The following EPHB1 variants were observed in gnomAD, a reference collection of about 807,000 sequenced individuals.
The protein encoded by EPHB1 is ephrin type-B receptor 1.
Under a neutral mutation model 94.4 loss-of-function variants are expected in EPHB1, and 30 were observed. That is an observed-to-expected ratio of 0.32 (90% confidence interval 0.24 to 0.43). EPHB1 has a LOEUF of 0.43. EPHB1 is among the 20% of genes least tolerant of loss of function. The pLI is 1.00. For missense variants in EPHB1, 1,055 were observed against 1,308.3 expected (o/e 0.81, Z 2.99); for synonymous variants, 522 against 489.1 (o/e 1.07, Z -0.89).
At chr3:135,222,627 G>C (rs1943299060) in intron 12 of EPHB1, among the ~76,000 whole-genome samples, 1 of 152,120 alleles carries the variant, frequency 6.6e-6, no homozygotes, top group East Asian at 1.9e-4. Flanking sequence ...TGATAAAACA[G>C]GGAGTAAACA....
chr3:135,119,744 G>A (rs982526406), intron 4 of EPHB1, among the ~76,000 whole-genome samples: 7 of 152,166 alleles, frequency 4.6e-5, no homozygotes, highest in Admixed American at 1.3e-4. Flanking sequence ...GAGCCACCAA[G>A]ACTGGGCTTT....
chr3:135,197,068 G>T (rs1942639605), intron 11 of EPHB1, among the ~76,000 whole-genome samples: 1 of 150,738 alleles, frequency 6.6e-6, no homozygotes, highest in African/African-American at 2.4e-5. Flanking sequence ...GACCTGCCTG[G>T]GCCATATAGC....
chr3:135,166,038 C>T lies in EPHB1; in HGVS notation c.1656C>T (p.Phe552=), dbSNP rs56372452. The part of the protein sequence containing the change: ...IAGSAAAGVV[F]VVSLVAISIV... ...GCTCGGCAGCGGCCGGGGTCGTGTT[C>T]GTTGTGTCCTTGGTGGCCATCTCTA... The change falls in exon 8 of 16, where the codon TTC becomes TTT. Residue 552 remains phenylalanine, a synonymous_variant. Transcript: ENST00000398015. 5,196 of 1,613,826 alleles carry T rather than the reference C, an allele frequency of 3.2e-3. 20 individuals are homozygous for T. Among genetic ancestry groups the T allele is most frequent in the Middle Eastern group, 0.015 (90 of 6,062 alleles).
intron 3 of EPHB1, among the ~76,000 whole-genome samples, chr3:134,954,342 G>A (rs1467103245): frequency 2.0e-5 from 3 of 152,170 alleles, no homozygotes; most frequent in African/African-American, 7.2e-5. Flanking sequence ...AAGTGCATTT[G>A]GAAGTACTTG....
intron 1 of EPHB1, among the ~76,000 whole-genome samples, chr3:134,876,339 G>A (rs2037615875): frequency 6.6e-6 from 1 of 152,216 alleles, no homozygotes; most frequent in African/African-American, 2.4e-5. Flanking sequence ...TGCCCAGCCT[G>A]TAGGGCTCAG....
intron 1 of EPHB1, among the ~76,000 whole-genome samples, chr3:134,914,585 T>C (rs1429471292): frequency 6.6e-6 from 1 of 152,096 alleles, no homozygotes; most frequent in Non-Finnish European, 1.5e-5. Context: ...GGAGGGTTGT[T>C]GGAGACATGG....
At chr3:135,063,110 C>T (rs1456057644) in intron 3 of EPHB1, among the ~76,000 whole-genome samples, 1 of 152,102 alleles carries the variant, frequency 6.6e-6, no homozygotes, top group East Asian at 1.9e-4. Flanking sequence ...AGTTTGAAAT[C>T]AGGTCGTATG....
intron 3 of EPHB1, among the ~76,000 whole-genome samples, chr3:135,053,388 T>C (rs1403964239): frequency 6.6e-6 from 1 of 152,050 alleles, no homozygotes; most frequent in Non-Finnish European, 1.5e-5. Context: ...AAGTTAAATA[T>C]ATAGTCACCA....
intron 3 of EPHB1, among the ~76,000 whole-genome samples, chr3:135,006,551 G>A (rs529402828): frequency 1.3e-5 from 2 of 152,228 alleles, no homozygotes; most frequent in Non-Finnish European, 2.9e-5. Flanking sequence ...GAAAGAGAAT[G>A]ATGCAAAGTA....
At chr3:134,856,509 T>C (rs756464408) in intron 1 of EPHB1, among the ~76,000 whole-genome samples, 4 of 152,214 alleles carry the variant, frequency 2.6e-5, no homozygotes, top group African/African-American at 4.8e-5. Context: ...TTTTTAAAAC[T>C]TTACTGTATA....
intron 11 of EPHB1, among the ~76,000 whole-genome samples, chr3:135,198,099 C>T (rs1356650655): frequency 6.6e-6 from 1 of 152,142 alleles, no homozygotes; most frequent in Non-Finnish European, 1.5e-5. Flanking sequence ...AGTTAGAAGA[C>T]CCAGATAAGA....
At chr3:134,881,277 G>C (rs1177910826) in intron 1 of EPHB1, among the ~76,000 whole-genome samples, 8 of 152,120 alleles carry the variant, frequency 5.3e-5, no homozygotes, top group Non-Finnish European at 2.9e-5. Flanking sequence ...GTGTGGATGG[G>C]TATGCTGGGG....
intron 3 of EPHB1, among the ~76,000 whole-genome samples, chr3:135,097,455 T>C (rs1333274279): frequency 6.6e-6 from 1 of 152,120 alleles, no homozygotes; most frequent in African/African-American, 2.4e-5. Context: ...TCAGTGTCTG[T>C]CCCTCTCCCT....
chr3:134,854,703 A>G lies in EPHB1; in HGVS notation c.58+59014A>G, dbSNP rs565973507. Among the ~76,000 whole-genome samples the G allele has an allele frequency of 1.8e-3, 274 of 152,214 alleles. 1 individual carries two copies. Among genetic ancestry groups the G allele is most frequent in the Non-Finnish European group, 3.1e-3 (214 of 68,012 alleles). On this transcript the variant is annotated intron_variant, in intron 1 of 15. Transcript: ENST00000398015. ...CTGATCAGGTTTTCCTCATCCATTG[A>G]CTGCTATAAAATTGAGCTCCAAATG...
intron 3 of EPHB1, among the ~76,000 whole-genome samples, chr3:135,049,703 A>AG (rs1197124639): frequency 1.3e-5 from 2 of 152,244 alleles, no homozygotes; most frequent in African/African-American, 4.8e-5. Context: ...GAGGAGTATC[A>AG]GGTACTTTGG....
chr3:135,029,597 T>G (rs2107759214), intron 3 of EPHB1, among the ~76,000 whole-genome samples: 1 of 150,388 alleles, frequency 6.6e-6, no homozygotes, highest in South Asian at 2.2e-4. Flanking sequence ...AGATCCGCTG[T>G]TAGTCTGATG....
chr3:135,154,165 T>C lies in EPHB1; in HGVS notation c.1311T>C (p.Val437=), dbSNP rs200074984. 1.2e-6 allele frequency: 2 copies of C among 1,613,946 alleles called. No individual in the cohort carries two copies. The highest frequency in any genetic ancestry group is 1.1e-5 in the South Asian group (1 of 91,082). ...ITTNQAAPST[V]PIMHQVSATM... Reference sequence around the variant, plus strand: ...CTCTCTCCACAGCCCCCTCCACCGTTCCCATCATGCACCAAGTCAGTGCCA... The same window carrying C: ...CTCTCTCCACAGCCCCCTCCACCGTCCCCATCATGCACCAAGTCAGTGCCA... Residue 437 remains valine, a synonymous_variant, in exon 6 of 16, where the codon GTT becomes GTC. Transcript: ENST00000398015.
chr3:134,797,029 G>C (rs916161709), intron 1 of EPHB1, among the ~76,000 whole-genome samples: 2 of 152,242 alleles, frequency 1.3e-5, no homozygotes, highest in African/African-American at 4.8e-5. Flanking sequence ...CCTGAGGCGC[G>C]GCTAAGATTC....
chr3:134,944,761 G>A (rs912531676), intron 2 of EPHB1, among the ~76,000 whole-genome samples: 8 of 120,270 alleles, frequency 6.7e-5, no homozygotes, highest in African/African-American at 2.1e-4. Flanking sequence ...CTAATTTCAC[G>A]TAGATAAAAG....
Sources: allele counts gnomAD v4.1 joint callset (sites outside exome capture counted in the v4.1 genomes callset), GRCh38; gene constraint gnomAD v4.1.1; transcripts MANE v1.5; gene names NCBI Gene and HGNC (gene_info 2026-07-23, HGNC 2026-07-21).